SPMIP3: variants seen among roughly 807,000 people sequenced by gnomAD.
SPMIP3 encodes protein SPMIP3.
the SPMIP3 span, chr1:244,364,830 C>A: frequency 2.1e-6 from 3 of 1,413,352 alleles, no homozygotes; most frequent in African/African-American, 1.4e-5. Context: ...TAGAATTGCA[C>A]ATCCTGCTGC....
chr1:244,368,420 G>A, the SPMIP3 span, among the ~76,000 whole-genome samples: 1 of 152,366 alleles, frequency 6.6e-6, no homozygotes, highest in Middle Eastern at 3.4e-3. Context: ...AAGGCACGGT[G>A]TGGTTAAATG....
the SPMIP3 span, among the ~76,000 whole-genome samples, chr1:244,357,902 A>G: frequency 3.3e-5 from 5 of 151,706 alleles, no homozygotes; most frequent in African/African-American, 1.2e-4. Context: ...ACATAGTGAG[A>G]CCCATCTCTA....
At chr1:244,357,513 A>T in the SPMIP3 span, among the ~76,000 whole-genome samples, 2 of 151,910 alleles carry the variant, frequency 1.3e-5, no homozygotes, top group South Asian at 4.2e-4. Context: ...GTTGGGGACC[A>T]GCCTGACAAA....
At chr1:244,379,731 G>A in the SPMIP3 span, among the ~76,000 whole-genome samples, 2 of 152,112 alleles carry the variant, frequency 1.3e-5, no homozygotes, top group Non-Finnish European at 1.5e-5. Flanking sequence ...TGTAATCCTG[G>A]CACTTTGGGA....
chr1:244,368,293 A>T, the SPMIP3 span, among the ~76,000 whole-genome samples: 2 of 152,014 alleles, frequency 1.3e-5, no homozygotes, highest in Non-Finnish European at 2.9e-5. Context: ...TGCCTGTCTC[A>T]CCCCCTGGAA....
chr1:244,371,009 G>T, the SPMIP3 span, among the ~76,000 whole-genome samples: 1 of 152,166 alleles, frequency 6.6e-6, no homozygotes, highest in Non-Finnish European at 1.5e-5. Flanking sequence ...GAAGAGCGTG[G>T]TCACAGGAAC....
chr1:244,371,518 C>A, the SPMIP3 span, among the ~76,000 whole-genome samples: 1 of 152,224 alleles, frequency 6.6e-6, no homozygotes, highest in East Asian at 1.9e-4. Context: ...CAAAACCTGC[C>A]AAGAGACACT....
the SPMIP3 span, among the ~76,000 whole-genome samples, chr1:244,372,792 G>A: frequency 2.0e-5 from 3 of 152,210 alleles, no homozygotes; most frequent in Admixed American, 6.5e-5. Context: ...GGGACATCCC[G>A]AAAGACCCCA....
the SPMIP3 span, among the ~76,000 whole-genome samples, chr1:244,382,010 G>A: frequency 1.3e-5 from 2 of 152,204 alleles, no homozygotes; most frequent in African/African-American, 2.4e-5. Context: ...AGTGTGCAGA[G>A]GATTACACAA....
the SPMIP3 span, among the ~76,000 whole-genome samples, chr1:244,386,297 T>C: frequency 1.4e-4 from 22 of 152,240 alleles, no homozygotes; most frequent in Non-Finnish European, 2.8e-4. Flanking sequence ...CAACTAATTA[T>C]TCATTTTATT....
the SPMIP3 span, among the ~76,000 whole-genome samples, chr1:244,358,287 G>A: frequency 1.4e-5 from 1 of 72,146 alleles, no homozygotes; most frequent in Non-Finnish European, 3.5e-5. Context: ...ATCTGCTGTG[G>A]TTTAAATATG....
At chr1:244,367,264 C>T in the SPMIP3 span, among the ~76,000 whole-genome samples, 1 of 152,130 alleles carries the variant, frequency 6.6e-6, no homozygotes, top group Admixed American at 6.5e-5. Context: ...ATTATACATG[C>T]AATGGGTTGA....
At chr1:244,380,296 T>G in the SPMIP3 span, among the ~76,000 whole-genome samples, 12 of 151,992 alleles carry the variant, frequency 7.9e-5, no homozygotes. Flanking sequence ...ATTTTTGTAT[T>G]TTTAGTATAG....
At chr1:244,367,595 C>G in the SPMIP3 span, among the ~76,000 whole-genome samples, 2 of 152,138 alleles carry the variant, frequency 1.3e-5, no homozygotes, top group African/African-American at 2.4e-5. Flanking sequence ...AGTGTGCCCC[C>G]CAACCCACGT....
the SPMIP3 span, among the ~76,000 whole-genome samples, chr1:244,356,917 CCTTT>C: frequency 1.6e-5 from 2 of 123,840 alleles, no homozygotes; most frequent in Non-Finnish European, 3.2e-5. Context: ...CTTTTCTTTT[CCTTT>C]TTTTTTTTTT....
At chr1:244,387,104 A>G in the SPMIP3 span, among the ~76,000 whole-genome samples, 2 of 152,328 alleles carry the variant, frequency 1.3e-5, no homozygotes, top group South Asian at 4.1e-4. Context: ...GGAGTTCGAG[A>G]CTAGCCTGGC....
At chr1:244,367,065 T>G in the SPMIP3 span, among the ~76,000 whole-genome samples, 18 of 151,752 alleles carry the variant, frequency 1.2e-4, no homozygotes, top group African/African-American at 3.6e-4. Flanking sequence ...TGCTGGGTGA[T>G]AGGGGCAGGG....
chr1:244,384,924 T>C, the SPMIP3 span, among the ~76,000 whole-genome samples: 1 of 152,066 alleles, frequency 6.6e-6, no homozygotes, highest in Non-Finnish European at 1.5e-5. Context: ...TTGTTTGAGA[T>C]GGAGTCTCAC....
At chr1:244,362,280 T>C in the SPMIP3 span, among the ~76,000 whole-genome samples, 1 of 152,218 alleles carries the variant, frequency 6.6e-6, no homozygotes, top group African/African-American at 2.4e-5. Flanking sequence ...AGTCCTAGTT[T>C]TGTTTTGGCT....
Sources: gnomAD v4.1 joint callset for allele counts (sites outside exome capture counted in the v4.1 genomes callset) on GRCh38, gnomAD v4.1.1 for gene constraint, MANE v1.5 for transcripts, NCBI Gene and HGNC (gene_info 2026-07-23, HGNC 2026-07-21) for gene names.